Variants in ZFR observed in about 807,000 individuals in gnomAD.
The protein encoded by ZFR is zinc finger RNA-binding protein.
In ZFR, 19 loss-of-function variants were observed where a neutral mutation model predicts 130.7. That is an observed-to-expected ratio of 0.15 (90% CI 0.10 to 0.21). The LOEUF is 0.21. Ranked by LOEUF, ZFR falls within the 10% of genes least tolerant of loss-of-function variation. ZFR has a pLI of 1.00. For missense variants in ZFR, 872 were observed against 1,321.5 expected (o/e 0.66, Z 5.27); for synonymous variants, 466 against 456.9 (o/e 1.02, Z -0.25).
At chr5:32,411,014 T>G (rs1362368745) in intron 5 of ZFR, among the ~76,000 whole-genome samples, 7 of 152,246 alleles carry the variant, frequency 4.6e-5, no homozygotes, top group Admixed American at 1.3e-4. Flanking sequence ...CTGTCTCATA[T>G]ACAACTAAAT....
chr5:32,407,046 A>C lies in ZFR; in HGVS notation c.785-25T>G, dbSNP rs755321958. ...CCTTACAAATAAAAATCAAACAAAA[A>C]TTATGTTACATACTTATAGAAGGAC... is the stretch of plus-strand genomic sequence containing the variant. On this transcript the variant is annotated intron_variant, in intron 5 of 19. Coordinates refer to ENST00000265069, the MANE Select transcript of ZFR (RefSeq NM_016107.5). 5 of 1,442,346 alleles carry C rather than the reference A, an allele frequency of 3.5e-6. No individual in the cohort carries two copies. In the South Asian group the frequency reaches 6.0e-5, roughly 17 times the overall value. The allele number at this position is 1,442,346 out of a possible 1,614,324, so 89.3% of individuals were successfully genotyped here.
At chr5:32,426,836 C>G (rs546347619) in intron 2 of ZFR, among the ~76,000 whole-genome samples, 2 of 147,638 alleles carry the variant, frequency 1.4e-5, no homozygotes, top group Admixed American at 6.9e-5. Context: ...ACCCAGGGGG[C>G]GGAGGTTGCA....
intron 2 of ZFR, among the ~76,000 whole-genome samples, chr5:32,424,306 G>A (rs567419179): frequency 4.5e-4 from 69 of 152,332 alleles, no homozygotes; most frequent in Middle Eastern, 3.4e-3. Context: ...CACTTTGGGA[G>A]GCCGAGGTGG....
intron 6 of ZFR, among the ~76,000 whole-genome samples, chr5:32,405,803 C>A (rs535054470): frequency 6.6e-6 from 1 of 152,256 alleles, no homozygotes; most frequent in Admixed American, 6.5e-5. Context: ...CTGCCATACT[C>A]AAAACAGGGG....
Position 32,355,824 on chromosome 5 carries a change from C to T in ZFR, c.3161G>A (p.Ser1054Asn), listed in dbSNP as rs1238002316. ...AGCTTCAAATCCATCAACTCCATCA[C>T]TATCTCTTCTTCGTTTCCTGTTGTT... ...IHNNRKRRRDSDGVDGFEAEG... is the reference protein window; with the variant it reads ...IHNNRKRRRDNDGVDGFEAEG... Residue 1054 changes from serine (S) to asparagine (N), a missense_variant, in exon 20 of 20, where the codon AGT becomes AAT. Physicochemically the swap from Ser to Asn is conservative, Grantham distance 46 (BLOSUM62 1). Coordinates refer to ENST00000265069, the MANE Select transcript of ZFR (RefSeq NM_016107.5). The T allele has an allele frequency of 6.2e-7, 1 of 1,610,122 alleles. No homozygotes were observed. The highest frequency in any genetic ancestry group is 1.7e-5 in the Admixed American group (1 of 59,048).
chr5:32,380,255 G>A (rs1181220151), intron 15 of ZFR, 83 bp from the exon 16 acceptor site: 2 of 969,358 alleles, frequency 2.1e-6, no homozygotes, highest in African/African-American at 3.2e-5. Context: ...GGTAGCATCA[G>A]TGTCACATGA....
In ZFR at chr5:32,354,889, A is replaced by G. The variant is rs960110030; in HGVS notation, c.*871T>C. The G allele has an allele frequency of 2.9e-4, 44 of 152,232 alleles. No homozygotes were observed. Among genetic ancestry groups the G allele is most frequent in the Non-Finnish European group, 8.8e-5 (6 of 68,032 alleles). 9.4% of individuals were successfully genotyped at this position (152,232 alleles called of 1,614,324 possible). A position where few individuals can be genotyped will look rare whatever the true frequency, so the allele number is the denominator to read the frequency against. On this transcript the variant is annotated 3_prime_UTR_variant, in exon 20 of 20. Transcript: ENST00000265069. ...AAAATGCCCTTTCCACTTATACACA[A>G]GAAAAAAATATTCAGAAAGTTATTT...
chr5:32,426,803 T>C (rs890873376), intron 2 of ZFR, among the ~76,000 whole-genome samples: 1 of 150,940 alleles, frequency 6.6e-6, no homozygotes, highest in Non-Finnish European at 1.5e-5. Flanking sequence ...CTTGGGAGGC[T>C]GAAGCACGGG....
intron 5 of ZFR, among the ~76,000 whole-genome samples, chr5:32,412,928 T>C (rs1034938017): frequency 1.3e-5 from 2 of 152,118 alleles, no homozygotes; most frequent in African/African-American, 4.8e-5. Flanking sequence ...CTCATGCCTG[T>C]ATTGTAATCC....
At chr5:32,415,311 A>T in intron 4 of ZFR, 124 bp from the exon 5 acceptor site, 1 of 791,730 alleles carries the variant, frequency 1.3e-6, no homozygotes. Context: ...TATGCCAGCA[A>T]TTTCTCCTTA....
intron 13 of ZFR, among the ~76,000 whole-genome samples, 180 bp from the exon 14 acceptor site, chr5:32,387,879 A>G (rs1438159497): frequency 6.6e-6 from 1 of 152,192 alleles, no homozygotes; most frequent in African/African-American, 2.4e-5. Flanking sequence ...GATAAAAAAA[A>G]AAAATAATAA....
intron 8 of ZFR, among the ~76,000 whole-genome samples, chr5:32,402,259 G>A (rs1053166620): frequency 1.3e-5 from 2 of 152,156 alleles, no homozygotes; most frequent in Admixed American, 1.3e-4. Context: ...GAAAGGGGTG[G>A]ATGGACACAT....
At chr5:32,381,579 C>G (rs1275206461) in intron 15 of ZFR, among the ~76,000 whole-genome samples, 1 of 152,094 alleles carries the variant, frequency 6.6e-6, no homozygotes. Context: ...CTTAAGAGTA[C>G]TAGCTGCAGT....
At chr5:32,436,658 A>G (rs1393550571) in intron 2 of ZFR, among the ~76,000 whole-genome samples, 1 of 152,158 alleles carries the variant, frequency 6.6e-6, no homozygotes, top group African/African-American at 2.4e-5. Context: ...CATTTTATTA[A>G]TAATACAGAG....
intron 5 of ZFR, among the ~76,000 whole-genome samples, chr5:32,411,517 C>T (rs187202218): frequency 2.0e-5 from 3 of 151,564 alleles, no homozygotes; most frequent in Admixed American, 6.6e-5. Flanking sequence ...GGTAAAACCC[C>T]GTCTCTACTA....
At chr5:32,361,330 G>C (rs1382046135) in intron 19 of ZFR, among the ~76,000 whole-genome samples, 1 of 152,172 alleles carries the variant, frequency 6.6e-6, no homozygotes, top group Non-Finnish European at 1.5e-5. Flanking sequence ...GTCAGGACTT[G>C]ATACAGCATT....
chr5:32,374,177 G>T (rs1321997491), intron 17 of ZFR, among the ~76,000 whole-genome samples: 1 of 152,180 alleles, frequency 6.6e-6, no homozygotes, highest in African/African-American at 2.4e-5. Flanking sequence ...GCAGGAAGCA[G>T]GATCATGATG....
At chr5:32,408,329 A>AC (rs796813376) in intron 5 of ZFR, among the ~76,000 whole-genome samples, 1,766 of 70,786 alleles carry the variant, frequency 0.025, 37 homozygotes, top group African/African-American at 0.059. Context: ...AAAAAAAAAA[A>AC]AAAAAAAACT....
chr5:32,379,869 C>A, intron 16 of ZFR: 1 of 430,622 alleles, frequency 2.3e-6, no homozygotes, highest in Non-Finnish European at 4.1e-6. Context: ...AAACACTCCC[C>A]AAACCTAAGT....
Sources: allele counts gnomAD v4.1 joint callset (sites outside exome capture counted in the v4.1 genomes callset), GRCh38; gene constraint gnomAD v4.1.1; transcripts MANE v1.5; gene names NCBI Gene and HGNC (gene_info 2026-07-23, HGNC 2026-07-21).